The following ITGA8 variants were observed in gnomAD, a reference collection of about 807,000 sequenced individuals.
The protein encoded by ITGA8 is integrin subunit alpha 8, also known as integrin alpha-8.
A neutral mutation model predicts 142.3 loss-of-function variants in ITGA8; 91 were observed. The ratio of observed to expected loss-of-function variants is 0.64; its 90% confidence interval spans 0.54 to 0.76. The LOEUF (loss-of-function observed/expected upper bound fraction) is 0.76, where lower values mean the gene tolerates loss of function less well. Ranked by LOEUF, ITGA8 falls within the 30% of genes least tolerant of loss-of-function variation. The pLI is 0.00. For missense variants in ITGA8, 1,406 were observed against 1,327.7 expected (o/e 1.06, Z -0.92); for synonymous variants, 505 against 485.2 (o/e 1.04, Z -0.54).
chr10:15,535,499 T>C (rs1211601286), intron 27 of ITGA8, among the ~76,000 whole-genome samples: 1 of 152,098 alleles, frequency 6.6e-6, no homozygotes, highest in Non-Finnish European at 1.5e-5. Context: ...AACACACCAA[T>C]CAGCACCCTG....
chr10:15,595,040 AAAAAATTTTC>A (rs1263589335), intron 21 of ITGA8, among the ~76,000 whole-genome samples: 1 of 152,158 alleles, frequency 6.6e-6, no homozygotes, highest in African/African-American at 2.4e-5. Flanking sequence ...CCACCGTTTA[AAAAAATTTTC>A]CCATGAGAAA....
intron 2 of ITGA8, among the ~76,000 whole-genome samples, chr10:15,691,650 G>T (rs1313331329): frequency 6.6e-6 from 1 of 152,118 alleles, no homozygotes; most frequent in African/African-American, 2.4e-5. Flanking sequence ...ATCTAAAAAA[G>T]TCAGGCTCAT....
At chr10:15,565,264 T>C (rs560088873) in intron 25 of ITGA8, among the ~76,000 whole-genome samples, 1 of 152,218 alleles carries the variant, frequency 6.6e-6, no homozygotes, top group East Asian at 1.9e-4. Flanking sequence ...AAGCCATAGA[T>C]GTCACTAGTA....
At chr10:15,574,015 C>T (rs1428829844) in intron 24 of ITGA8, among the ~76,000 whole-genome samples, 1 of 151,822 alleles carries the variant, frequency 6.6e-6, no homozygotes, top group Non-Finnish European at 1.5e-5. Flanking sequence ...AGAGATTGGC[C>T]CTTGCTATGT....
intron 25 of ITGA8, among the ~76,000 whole-genome samples, chr10:15,560,752 A>G (rs1833960041): frequency 6.6e-6 from 1 of 152,202 alleles, no homozygotes; most frequent in Non-Finnish European, 1.5e-5. Context: ...ATAAAAATGG[A>G]TGTATCTGAC....
At position 15,527,906 on chromosome 10, in the gene ITGA8, C is replaced by CA. The variant is rs1477496379; in HGVS notation, c.2982+3143_2982+3144insT. 6.4e-4 allele frequency among the ~76,000 whole-genome samples: 50 copies of CA among 78,038 alleles called. 4 individuals carry two copies. The highest frequency in any genetic ancestry group is 3.7e-3 in the East Asian group (8 of 2,170). 51.2% of individuals were successfully genotyped at this position (78,038 alleles called of 152,430 possible). A position where few individuals can be genotyped will look rare whatever the true frequency, so the allele number is the denominator to read the frequency against. On this transcript the variant is annotated intron_variant, in intron 28 of 29. Coordinates refer to ENST00000378076, the MANE Select transcript of ITGA8 (RefSeq NM_003638.3). ...TTAAAGCAATTCCCTTTCGGCTGGG[C>CA]TTTTTTTTTTTTTTTTTTTTTTTTT...
intron 28 of ITGA8, among the ~76,000 whole-genome samples, chr10:15,520,138 G>T (rs1260777103): frequency 6.6e-6 from 1 of 152,124 alleles, no homozygotes; most frequent in Non-Finnish European, 1.5e-5. Context: ...TCAGGCCAGA[G>T]CGGTGGCTCA....
intron 26 of ITGA8, among the ~76,000 whole-genome samples, chr10:15,554,300 A>G (rs1833845632): frequency 6.6e-6 from 1 of 152,136 alleles, no homozygotes; most frequent in Non-Finnish European, 1.5e-5. Context: ...CCCCCTGATG[A>G]ATTGCCCTGA....
intron 12 of ITGA8, 131 bp downstream of exon 12, chr10:15,646,715 G>T: frequency 1.6e-6 from 1 of 613,716 alleles, no homozygotes; most frequent in Non-Finnish European, 2.8e-6. Context: ...TGAGATTTGT[G>T]ATAGTTTATT....
intron 8 of ITGA8, among the ~76,000 whole-genome samples, chr10:15,665,882 G>A (rs1834382102): frequency 6.6e-6 from 1 of 152,144 alleles, no homozygotes; most frequent in Non-Finnish European, 1.5e-5. Context: ...CTATATCTCT[G>A]TTTTGGTACC....
At chr10:15,664,647 C>T (rs1437932588) in intron 8 of ITGA8, among the ~76,000 whole-genome samples, 1 of 150,930 alleles carries the variant, frequency 6.6e-6, no homozygotes, top group Admixed American at 6.6e-5. Flanking sequence ...GGTATATCTC[C>T]TAATGCTATC....
chr10:15,691,115 G>A (rs1181838565), intron 2 of ITGA8, among the ~76,000 whole-genome samples: 1 of 152,100 alleles, frequency 6.6e-6, no homozygotes, highest in African/African-American at 2.4e-5. Context: ...TAATCATCAG[G>A]GATATGCAAA....
chr10:15,536,134 G>T (rs941713337), intron 27 of ITGA8, among the ~76,000 whole-genome samples: 3 of 152,158 alleles, frequency 2.0e-5, no homozygotes, highest in African/African-American at 7.2e-5. Context: ...CATCGCGAGG[G>T]TCTGCGGCTT....
At position 15,572,363 on chromosome 10, in the gene ITGA8, T is replaced by C. The variant is rs1157483779; in HGVS notation, c.2485A>G (p.Asn829Asp). 2 of 1,613,744 alleles carry C rather than the reference T, an allele frequency of 1.2e-6. No homozygotes were observed. The highest frequency in any genetic ancestry group is 1.7e-6 in the Non-Finnish European group (2 of 1,179,818). The change falls in exon 25 of 30, where the codon AAT (asparagine) becomes GAT (aspartate). Residue 829 changes from asparagine to aspartate, a missense_variant. Coordinates refer to ENST00000378076, the MANE Select transcript of ITGA8 (RefSeq NM_003638.3). Reference protein sequence around the residue: ...PLVEHIYELHNIGPSTISDTI... With the variant: ...PLVEHIYELHDIGPSTISDTI... Reference sequence around the variant, plus strand: ...TCACTGATGGTACTTGGTCCAATATTGTGCAGCTGTAAACAAGTGACATGT... The same window carrying C: ...TCACTGATGGTACTTGGTCCAATATCGTGCAGCTGTAAACAAGTGACATGT...
chr10:15,623,634 C>T lies in ITGA8; in HGVS notation c.1400-7075G>A, dbSNP rs149416552. 6.6e-4 allele frequency among the ~76,000 whole-genome samples: 100 copies of T among 152,030 alleles called. 2 individuals are homozygous for T. In the East Asian group the frequency reaches 0.017, roughly 26 times the overall value. On this transcript the variant is annotated intron_variant, in intron 13 of 29. Coordinates refer to ENST00000378076, the MANE Select transcript of ITGA8 (RefSeq NM_003638.3). Reference sequence around the variant, plus strand: ...CCAGGAGATGGAGGTTGCAGTGAGCCGAGACTGCAGCACTGCACTCCAGCC... The same window carrying T: ...CCAGGAGATGGAGGTTGCAGTGAGCTGAGACTGCAGCACTGCACTCCAGCC...
chr10:15,703,340 T>C (rs987259871), intron 2 of ITGA8, among the ~76,000 whole-genome samples: 1 of 152,220 alleles, frequency 6.6e-6, no homozygotes, highest in African/African-American at 2.4e-5. Context: ...GCCTAGCCAG[T>C]GTTCTTCAGA....
intron 14 of ITGA8, among the ~76,000 whole-genome samples, chr10:15,615,141 G>GT (rs1833369008): frequency 6.6e-6 from 1 of 152,186 alleles, no homozygotes; most frequent in Non-Finnish European, 1.5e-5. Context: ...GGAAAACAAG[G>GT]CCTTGGCATG....
chr10:15,634,138 C>T (rs1833730974), intron 13 of ITGA8, among the ~76,000 whole-genome samples: 1 of 152,166 alleles, frequency 6.6e-6, no homozygotes, highest in South Asian at 2.1e-4. Context: ...TTTCTCTTAT[C>T]ACCTTAGCAA....
intron 2 of ITGA8, among the ~76,000 whole-genome samples, chr10:15,710,798 C>G (rs1251856962): frequency 1.3e-5 from 2 of 152,190 alleles, no homozygotes; most frequent in African/African-American, 4.8e-5. Context: ...GCTTCCACTG[C>G]TGTACCTGGG....
Sources: allele counts gnomAD v4.1 joint callset (sites outside exome capture counted in the v4.1 genomes callset), GRCh38; gene constraint gnomAD v4.1.1; transcripts MANE v1.5; gene names NCBI Gene and HGNC (gene_info 2026-07-23, HGNC 2026-07-21).